The following SCHIP1 variants were observed in gnomAD, a reference collection of about 807,000 sequenced individuals.
SCHIP1 encodes schwannomin interacting protein 1.
Under a neutral mutation model 29.7 loss-of-function variants are expected in SCHIP1, and 8 were observed. The observed-to-expected ratio is 0.27, with a 90% CI of 0.16 to 0.49. The LOEUF (loss-of-function observed/expected upper bound fraction) is 0.49, where lower values mean the gene tolerates loss of function less well. Ranked by LOEUF, SCHIP1 falls within the 20% of genes least tolerant of loss-of-function variation. The probability of loss-of-function intolerance (pLI) is 0.99; values close to 1 mark genes in which losing one functional copy is unlikely to be tolerated. For synonymous variants in SCHIP1, 76 were observed against 94.9 expected (o/e 0.80, Z 1.16); for missense variants, 193 against 294.6 (o/e 0.66, Z 2.52).
the SCHIP1 span, among the ~76,000 whole-genome samples, chr3:159,301,372 A>G: frequency 6.6e-6 from 1 of 151,870 alleles, no homozygotes; most frequent in African/African-American, 2.4e-5. Flanking sequence ...TGTACTTAAC[A>G]CGACTTTTTT....
At chr3:159,575,675 T>C in the SCHIP1 span, among the ~76,000 whole-genome samples, 2 of 152,268 alleles carry the variant, frequency 1.3e-5, no homozygotes, top group South Asian at 4.1e-4. Flanking sequence ...GCTCAAGTGA[T>C]CCTCCCACCT....
At chr3:159,856,479 T>C (rs1033212769) in intron 1 of SCHIP1, among the ~76,000 whole-genome samples, 4 of 152,104 alleles carry the variant, frequency 2.6e-5, no homozygotes. Context: ...GGGAAAGATC[T>C]AAATGACACT....
At chr3:159,854,497 A>G (rs1459988617) in intron 1 of SCHIP1, among the ~76,000 whole-genome samples, 1 of 152,198 alleles carries the variant, frequency 6.6e-6, no homozygotes, top group Non-Finnish European at 1.5e-5. Flanking sequence ...AAGCGGTTTC[A>G]GTAACCTGCC....
At chr3:159,715,784 C>A in the SCHIP1 span, among the ~76,000 whole-genome samples, 2 of 152,102 alleles carry the variant, frequency 1.3e-5, no homozygotes, top group Non-Finnish European at 2.9e-5. Flanking sequence ...ATTGGTATAC[C>A]TGAAAGTGAT....
At chr3:159,762,000 G>A in the SCHIP1 span, among the ~76,000 whole-genome samples, 1 of 152,142 alleles carries the variant, frequency 6.6e-6, no homozygotes, top group Non-Finnish European at 1.5e-5. Flanking sequence ...ACAGAGCAGG[G>A]AGCTTTTTGT....
chr3:159,368,460 C>CT, the SCHIP1 span, among the ~76,000 whole-genome samples: 1 of 152,174 alleles, frequency 6.6e-6, no homozygotes, highest in Admixed American at 6.5e-5. Flanking sequence ...ACTGGCCTAG[C>CT]AGTCAGAAGA....
chr3:159,571,483 C>A, the SCHIP1 span, among the ~76,000 whole-genome samples: 1 of 152,178 alleles, frequency 6.6e-6, no homozygotes, highest in Non-Finnish European at 1.5e-5. Context: ...ATGAAGTCCA[C>A]TTGATTATGG....
the SCHIP1 span, among the ~76,000 whole-genome samples, chr3:159,697,333 T>A: frequency 6.6e-6 from 1 of 152,148 alleles, no homozygotes; most frequent in Non-Finnish European, 1.5e-5. Flanking sequence ...AAACTGGGAA[T>A]TTTTGGATGG....
the SCHIP1 span, among the ~76,000 whole-genome samples, chr3:159,487,607 A>G: frequency 6.6e-6 from 1 of 152,058 alleles, no homozygotes; most frequent in Non-Finnish European, 1.5e-5. Flanking sequence ...TGAATGCTCT[A>G]TCTGAGAAGG....
the SCHIP1 span, among the ~76,000 whole-genome samples, chr3:159,674,599 A>T: frequency 6.2e-5 from 5 of 80,266 alleles, no homozygotes; most frequent in East Asian, 1.1e-3. Context: ...GGTCAGGATT[A>T]AAAAAAAAAA....
At chr3:159,728,876 G>A in the SCHIP1 span, among the ~76,000 whole-genome samples, 421 of 152,294 alleles carry the variant, frequency 2.8e-3, 4 homozygotes, top group Admixed American at 0.017. Flanking sequence ...CCGGCCAGGC[G>A]CAGTGGCTCA....
the SCHIP1 span, among the ~76,000 whole-genome samples, chr3:159,384,352 A>C: frequency 6.6e-6 from 1 of 152,100 alleles, no homozygotes; most frequent in African/African-American, 2.4e-5. Context: ...CCTTTTCTGC[A>C]TCTATTGAGA....
the SCHIP1 span, among the ~76,000 whole-genome samples, chr3:159,737,728 T>C: frequency 6.6e-6 from 1 of 152,236 alleles, no homozygotes; most frequent in East Asian, 1.9e-4. Context: ...ACTCTTTCCA[T>C]GATTCCAGGG....
chr3:159,582,779 T>TAC, the SCHIP1 span, among the ~76,000 whole-genome samples: 48 of 98,430 alleles, frequency 4.9e-4, no homozygotes, highest in Middle Eastern at 9.0e-3. Flanking sequence ...GCAACTGAAA[T>TAC]ATATATATAC....
the SCHIP1 span, among the ~76,000 whole-genome samples, chr3:159,285,332 CAAAT>C: frequency 6.6e-6 from 1 of 152,016 alleles, no homozygotes; most frequent in African/African-American, 2.4e-5. Flanking sequence ...TGATAGATAA[CAAAT>C]AGATAGATAT....
chr3:159,349,825 A>G, the SCHIP1 span, among the ~76,000 whole-genome samples: 2 of 152,202 alleles, frequency 1.3e-5, no homozygotes, highest in African/African-American at 4.8e-5. Flanking sequence ...TAAAGATGAT[A>G]GTCAAAATTC....
the SCHIP1 span, among the ~76,000 whole-genome samples, chr3:159,797,439 A>G: frequency 6.6e-6 from 1 of 152,244 alleles, no homozygotes; most frequent in South Asian, 2.1e-4. Flanking sequence ...ACACATTGGT[A>G]AGATTGAAAT....
At chr3:159,395,990 G>C in the SCHIP1 span, among the ~76,000 whole-genome samples, 3 of 152,008 alleles carry the variant, frequency 2.0e-5, no homozygotes, top group African/African-American at 4.8e-5. Flanking sequence ...CTTGCTTCAT[G>C]TATCTGGGTG....
the SCHIP1 span, among the ~76,000 whole-genome samples, chr3:159,543,131 A>G: frequency 1.3e-5 from 2 of 151,138 alleles, no homozygotes; most frequent in South Asian, 2.1e-4. Context: ...ATATATATAT[A>G]TATATAGATA....
Sources: allele counts gnomAD v4.1 joint callset (sites outside exome capture counted in the v4.1 genomes callset), GRCh38; gene constraint gnomAD v4.1.1; transcripts MANE v1.5; gene names NCBI Gene and HGNC (gene_info 2026-07-23, HGNC 2026-07-21).